GLB1: variants seen among roughly 807,000 people sequenced by gnomAD.
GLB1 encodes the protein beta-galactosidase.
GLB1 carries 56 observed loss-of-function variants against 74.0 expected under a neutral mutation model. That is an observed-to-expected ratio of 0.76 (90% CI 0.61 to 0.94). The LOEUF (loss-of-function observed/expected upper bound fraction) is 0.94, where lower values mean the gene tolerates loss of function less well. Ranked by LOEUF, GLB1 falls within the 40% of genes least tolerant of loss-of-function variation. The pLI, the probability that GLB1 is intolerant of heterozygous loss-of-function variation, is 0.00. For missense variants in GLB1, 787 were observed against 845.5 expected (o/e 0.93, Z 0.86); for synonymous variants, 323 against 323.6 (o/e 1.00, Z 0.02).
intron 15 of GLB1, among the ~76,000 whole-genome samples, chr3:32,998,433 A>G (rs1696404777): frequency 6.6e-6 from 1 of 151,742 alleles, no homozygotes; most frequent in African/African-American, 2.4e-5. Context: ...ACTTGAACCC[A>G]GGGAGGCAGA....
At chr3:33,019,972 C>T (rs894129735) in intron 12 of GLB1, among the ~76,000 whole-genome samples, 8 of 152,152 alleles carry the variant, frequency 5.3e-5, no homozygotes, top group African/African-American at 1.9e-4. Context: ...ACTACCTTGG[C>T]CAAAGATCAG....
At chr3:33,083,030 G>A (rs374906937) in intron 1 of GLB1, among the ~76,000 whole-genome samples, 9 of 151,990 alleles carry the variant, frequency 5.9e-5, no homozygotes, top group African/African-American at 1.9e-4. Context: ...CAAAAGTTAC[G>A]GACCTAAAAA....
At position 33,016,784 on chromosome 3, in the gene GLB1, T is replaced by C. The variant is rs1697252330; in HGVS notation, c.1404A>G (p.Lys468=). The change falls in exon 14 of 16, where the codon AAA becomes AAG. Residue 468 remains lysine, a synonymous_variant. Transcript: ENST00000307363. ...CCAGAAGGTCCAGAGTGGCTCCAGC[T>C]TTCCCTGTTATGTTCAGAGTGATCA... ...NNVITLNITG[K]AGATLDLLVE... The C allele has an allele frequency of 6.2e-7, 1 of 1,614,208 alleles. No individual in the cohort carries two copies. Among genetic ancestry groups the C allele is most frequent in the East Asian group, 2.2e-5 (1 of 44,892 alleles).
intron 1 of GLB1, among the ~76,000 whole-genome samples, chr3:33,084,177 G>A (rs544534041): frequency 1.3e-5 from 2 of 152,312 alleles, no homozygotes; most frequent in South Asian, 2.1e-4. Flanking sequence ...GGATGCCAGA[G>A]ACCCAATCCT....
intron 15 of GLB1, among the ~76,000 whole-genome samples, chr3:33,005,062 C>T (rs539567788): frequency 2.9e-4 from 44 of 152,250 alleles, no homozygotes; most frequent in Admixed American, 1.4e-3. Context: ...AGTTTGGGCA[C>T]GCAAGTCAGG....
rs538762663 is a variant in GLB1 at position 33,073,701 on chromosome 3, A to T, written c.76-988T>A. Among the ~76,000 whole-genome samples the T allele has an allele frequency of 2.0e-5, 3 of 152,020 alleles. No individual in the cohort carries two copies. In the East Asian group the frequency reaches 5.8e-4, roughly 29 times the overall value. On this transcript the variant is annotated intron_variant, in intron 1 of 15. Coordinates refer to ENST00000307363, the MANE Select transcript of GLB1 (RefSeq NM_000404.4). ...AGACTCTGTCTCAAAAAAATAATAA[A>T]ATAAATAAAAATAAAAATCAAAGAA...
intron 1 of GLB1, chr3:33,092,827 G>A (rs927222461): frequency 6.3e-7 from 1 of 1,590,106 alleles, no homozygotes; most frequent in African/African-American, 1.3e-5. Flanking sequence ...CACAGGGCAG[G>A]GCCAGTTCAG....
At chr3:33,011,900 T>G (rs1420923661) in intron 15 of GLB1, among the ~76,000 whole-genome samples, 1 of 152,228 alleles carries the variant, frequency 6.6e-6, no homozygotes, top group Non-Finnish European at 1.5e-5. Context: ...GCAATCTGGC[T>G]GGGAGATGCT....
At chr3:33,054,110 C>T (rs1451720404) in intron 6 of GLB1, among the ~76,000 whole-genome samples, 1 of 152,118 alleles carries the variant, frequency 6.6e-6, no homozygotes, top group East Asian at 1.9e-4. Context: ...CAAGAAGGCA[C>T]GGCACCATTT....
At chr3:32,981,131 C>T in the GLB1 span, among the ~76,000 whole-genome samples, 2 of 134,432 alleles carry the variant, frequency 1.5e-5, no homozygotes, top group South Asian at 2.4e-4. Flanking sequence ...CTGGGCCCAG[C>T]GTGGTGGCTC....
intron 9 of GLB1, 143 bp downstream of exon 9, chr3:33,051,615 A>AAAAGAAAAG (rs1698989131): frequency 1.7e-6 from 2 of 1,176,710 alleles, no homozygotes; most frequent in East Asian, 2.9e-5. Context: ...AAAAAAAAAA[A>AAAAGAAAAG]AAAAGAAAAA....
intron 5 of GLB1, among the ~76,000 whole-genome samples, chr3:33,062,443 C>T (rs1385886146): frequency 3.3e-5 from 5 of 152,288 alleles, no homozygotes; most frequent in Middle Eastern, 3.4e-3. Context: ...GCTGGGATTA[C>T]GGGCATTGAG....
At chr3:33,060,977 A>G (rs1030331784) in intron 5 of GLB1, among the ~76,000 whole-genome samples, 1 of 152,090 alleles carries the variant, frequency 6.6e-6, no homozygotes, top group South Asian at 2.1e-4. Flanking sequence ...GTTACTACCA[A>G]TTAGGAAAAA....
intron 1 of GLB1, chr3:33,077,350 A>G: frequency 6.8e-7 from 1 of 1,475,282 alleles, no homozygotes; most frequent in Non-Finnish European, 9.3e-7. Flanking sequence ...CCTGTTGTGA[A>G]CGATAGGGAT....
chr3:33,064,836 A>G (rs1699608069), intron 5 of GLB1, among the ~76,000 whole-genome samples: 1 of 151,642 alleles, frequency 6.6e-6, no homozygotes, highest in Admixed American at 6.6e-5. Context: ...TCCAATGAAC[A>G]TGGTTTTATG....
chr3:32,984,941 CAA>C, the GLB1 span, among the ~76,000 whole-genome samples: 3 of 127,548 alleles, frequency 2.4e-5, no homozygotes. Context: ...GACTCTGTCT[CAA>C]AAAAAAAAAA....
chr3:33,028,299 C>G (rs1344379173), intron 10 of GLB1, among the ~76,000 whole-genome samples: 1 of 152,168 alleles, frequency 6.6e-6, no homozygotes, highest in African/African-American at 2.4e-5. Flanking sequence ...TTCTTTAACA[C>G]ATGAGAGTAC....
the GLB1 span, among the ~76,000 whole-genome samples, chr3:32,976,432 G>C: frequency 1.3e-5 from 2 of 152,202 alleles, no homozygotes; most frequent in African/African-American, 4.8e-5. Flanking sequence ...AACCCACACT[G>C]TGTTGCGTCT....
intron 14 of GLB1, among the ~76,000 whole-genome samples, chr3:33,014,601 G>C (rs140985238): frequency 6.6e-6 from 1 of 152,306 alleles, no homozygotes; most frequent in African/African-American, 2.4e-5. Flanking sequence ...AGTTGCTAGA[G>C]TGATTGATCC....
Sources: gnomAD v4.1 joint callset for allele counts (sites outside exome capture counted in the v4.1 genomes callset) on GRCh38, gnomAD v4.1.1 for gene constraint, MANE v1.5 for transcripts, NCBI Gene and HGNC (gene_info 2026-07-23, HGNC 2026-07-21) for gene names.